The following UBASH3B variants were observed in gnomAD, a reference collection of about 807,000 sequenced individuals.
The protein encoded by UBASH3B is ubiquitin-associated and SH3 domain-containing protein B.
In UBASH3B, 37 loss-of-function variants were observed where a neutral mutation model predicts 83.4. The ratio of observed to expected loss-of-function variants is 0.44; its 90% CI spans 0.34 to 0.58. The LOEUF is 0.58. UBASH3B is among the 20% of genes least tolerant of loss of function. UBASH3B has a pLI of 0.01. For synonymous variants in UBASH3B, 304 were observed against 318.3 expected (o/e 0.96, Z 0.48); for missense variants, 657 against 827.2 (o/e 0.79, Z 2.52).
At chr11:122,761,044 G>T (rs879533192) in intron 1 of UBASH3B, among the ~76,000 whole-genome samples, 1 of 152,172 alleles carries the variant, frequency 6.6e-6, no homozygotes, top group Non-Finnish European at 1.5e-5. Flanking sequence ...TGCCATGACG[G>T]TATTTCCTTT....
chr11:122,808,311 C>T, intron 13 of UBASH3B, 135 bp downstream of exon 13: 1 of 773,996 alleles, frequency 1.3e-6, no homozygotes, highest in East Asian at 2.5e-5. Context: ...TTCACTCAAC[C>T]AAGATGTATT....
chr11:122,803,638 A>C (rs1861292257), intron 11 of UBASH3B, among the ~76,000 whole-genome samples: 1 of 152,108 alleles, frequency 6.6e-6, no homozygotes, highest in African/African-American at 2.4e-5. Flanking sequence ...GGGCTTCAGA[A>C]CAGAGCCCTG....
intron 1 of UBASH3B, among the ~76,000 whole-genome samples, chr11:122,755,095 A>C (rs1387066693): frequency 6.6e-6 from 1 of 152,028 alleles, no homozygotes; most frequent in Non-Finnish European, 1.5e-5. Context: ...TGCAATGGAG[A>C]GAAGTCAGAC....
rs1317513344 is a variant in UBASH3B at position 122,784,631 on chromosome 11, T to C, written c.771+1409T>C. 2.6e-5 allele frequency among the ~76,000 whole-genome samples: 4 copies of C among 152,370 alleles called. No individual in the cohort carries two copies. The East Asian group carries it at 5.8e-4, about 22-fold the overall frequency. ...GGTATTTTTGTTAGTTTACATAGCC[T>C]TTTAACATCTCTTTTAGACTTCTTT... On this transcript the variant is annotated intron_variant, in intron 5 of 13. Transcript: ENST00000284273.
chr11:122,753,875 C>G (rs1428817205), intron 1 of UBASH3B, among the ~76,000 whole-genome samples: 2 of 152,106 alleles, frequency 1.3e-5, no homozygotes, highest in Non-Finnish European at 2.9e-5. Flanking sequence ...TACAGTATTC[C>G]CTGCCCTATC....
At chr11:122,705,022 C>T (rs1183993915) in intron 1 of UBASH3B, among the ~76,000 whole-genome samples, 1 of 152,194 alleles carries the variant, frequency 6.6e-6, no homozygotes, top group Non-Finnish European at 1.5e-5. Context: ...TGGGAGGGAG[C>T]AGGCACTAAC....
At chr11:122,740,722 G>A (rs1106243) in intron 1 of UBASH3B, among the ~76,000 whole-genome samples, 85,129 of 151,872 alleles carry the variant, frequency 0.56, 24,095 homozygotes, top group African/African-American at 0.63. Context: ...CTGTGTACAT[G>A]TGTGTGGGGC....
chr11:122,783,815 G>A (rs1185005278), intron 5 of UBASH3B, among the ~76,000 whole-genome samples: 1 of 152,162 alleles, frequency 6.6e-6, no homozygotes, highest in Non-Finnish European at 1.5e-5. Flanking sequence ...CCCAGTGGGA[G>A]GCCTGAGTGA....
At chr11:122,790,713 AG>A (rs1861038488) in intron 6 of UBASH3B, among the ~76,000 whole-genome samples, 1 of 152,044 alleles carries the variant, frequency 6.6e-6, no homozygotes, top group African/African-American at 2.4e-5. Context: ...TTGGGAGGCC[AG>A]GGTGGGTGGA....
chr11:122,671,165 G>A (rs868094313), intron 1 of UBASH3B, among the ~76,000 whole-genome samples: 6 of 152,188 alleles, frequency 3.9e-5, no homozygotes, highest in African/African-American at 7.2e-5. Context: ...TCCTCAGTGC[G>A]CAGTGGGAGC....
chr11:122,727,046 AG>A (rs1860753763), intron 1 of UBASH3B, among the ~76,000 whole-genome samples: 1 of 152,284 alleles, frequency 6.6e-6, no homozygotes, highest in Non-Finnish European at 1.5e-5. Flanking sequence ...ATTGTTAACA[AG>A]TTGCTGGGTT....
chr11:122,797,141 A>G (rs776870977), intron 9 of UBASH3B, 108 bp downstream of exon 9: 168 of 1,420,012 alleles, frequency 1.2e-4, no homozygotes, highest in Non-Finnish European at 1.2e-4. Flanking sequence ...TAACTTTCCT[A>G]CAAGTTTCCT....
intron 1 of UBASH3B, among the ~76,000 whole-genome samples, chr11:122,732,833 T>C (rs531040088): frequency 6.2e-4 from 94 of 152,338 alleles, no homozygotes; most frequent in African/African-American, 2.2e-3. Flanking sequence ...GGCAGTGTTC[T>C]GGATTCCAAA....
chr11:122,766,540 C>T (rs1035812732), intron 1 of UBASH3B, among the ~76,000 whole-genome samples: 3 of 150,650 alleles, frequency 2.0e-5, no homozygotes, highest in South Asian at 4.2e-4. Flanking sequence ...GCCAGCGAGA[C>T]TCCGTCTCAA....
At chr11:122,731,750 A>AGTT (rs1860847556) in intron 1 of UBASH3B, among the ~76,000 whole-genome samples, 1 of 152,210 alleles carries the variant, frequency 6.6e-6, no homozygotes, top group Admixed American at 6.5e-5. Context: ...TTTGGACCAC[A>AGTT]GTTGACCACT....
intron 1 of UBASH3B, among the ~76,000 whole-genome samples, chr11:122,692,176 T>C (rs1863905389): frequency 6.6e-6 from 1 of 152,172 alleles, no homozygotes. Flanking sequence ...TTAGATAATG[T>C]TGACAGAGTG....
At chr11:122,774,276 GC>G in intron 1 of UBASH3B, 1 of 985,454 alleles carries the variant, frequency 1.0e-6, no homozygotes, top group African/African-American at 1.7e-5. Flanking sequence ...AAGTAGGCTT[GC>G]CTTTTACAGT....
chr11:122,777,870 C>T (rs1159904068), intron 3 of UBASH3B, among the ~76,000 whole-genome samples: 1 of 152,088 alleles, frequency 6.6e-6, no homozygotes, highest in Non-Finnish European at 1.5e-5. Flanking sequence ...GCTGTGATTA[C>T]AGGCATATGC....
intron 1 of UBASH3B, among the ~76,000 whole-genome samples, chr11:122,685,083 C>G (rs1486343413): frequency 1.3e-5 from 2 of 152,204 alleles, no homozygotes; most frequent in Non-Finnish European, 2.9e-5. Flanking sequence ...AAAATACTAT[C>G]TTTTTTCCAC....
Sources: gnomAD v4.1 joint callset for allele counts (sites outside exome capture counted in the v4.1 genomes callset) on GRCh38, gnomAD v4.1.1 for gene constraint, MANE v1.5 for transcripts, NCBI Gene and HGNC (gene_info 2026-07-23, HGNC 2026-07-21) for gene names.